Variants in COL4A2 observed in about 807,000 individuals in gnomAD.
COL4A2 encodes the protein collagen alpha-2(IV) chain.
COL4A2 carries 99 observed loss-of-function variants against 200.2 expected under a neutral mutation model. That is an observed-to-expected ratio of 0.49 (90% CI 0.42 to 0.58). The LOEUF (loss-of-function observed/expected upper bound fraction) is 0.58. COL4A2 is among the 20% of genes least tolerant of loss of function. COL4A2 has a pLI of 0.00. For missense variants in COL4A2, 1,950 were observed against 2,314.1 expected, an observed-to-expected ratio of 0.84 and a Z score of 3.23; for synonymous variants, 897 against 900.6, an observed-to-expected ratio of 1.00 and a Z score of 0.07.
At chr13:110,493,439 G>A (rs115717618) in intron 39 of COL4A2, among the ~76,000 whole-genome samples, 157 bp downstream of exon 39, 43 of 152,298 alleles carry the variant, frequency 2.8e-4, no homozygotes, top group African/African-American at 9.6e-4. Context: ...GGGCGGGTCC[G>A]GGCCCTGTGG....
At chr13:110,393,583 G>GAAA (rs111823390) in intron 4 of COL4A2, among the ~76,000 whole-genome samples, 2 of 150,520 alleles carry the variant, frequency 1.3e-5, no homozygotes, top group African/African-American at 4.9e-5. Context: ...CTATAAAGAG[G>GAAA]GAAAAAAAAA....
intron 11 of COL4A2, among the ~76,000 whole-genome samples, chr13:110,433,885 A>G (rs1319767800): frequency 2.0e-5 from 3 of 152,236 alleles, no homozygotes; most frequent in Non-Finnish European, 2.9e-5. Context: ...AAGGAAGACA[A>G]AAAGTTTGGA....
intron 24 of COL4A2, among the ~76,000 whole-genome samples, chr13:110,462,612 C>G (rs1882073019): frequency 6.6e-6 from 1 of 152,206 alleles, no homozygotes; most frequent in African/African-American, 2.4e-5. Context: ...AGTCAACAAT[C>G]AAAGAAATAT....
intron 4 of COL4A2, among the ~76,000 whole-genome samples, chr13:110,385,602 T>C (rs1414205408): frequency 4.5e-4 from 56 of 125,546 alleles, no homozygotes; most frequent in East Asian, 1.1e-3. Context: ...GGTTACAGTG[T>C]GTGGATAGGC....
intron 4 of COL4A2, among the ~76,000 whole-genome samples, chr13:110,413,554 G>C (rs1434030039): frequency 6.6e-6 from 1 of 152,214 alleles, no homozygotes; most frequent in Non-Finnish European, 1.5e-5. Context: ...ATGGCCCTGA[G>C]GTTCCAGAGA....
chr13:110,504,104 G>A (rs775369291), intron 44 of COL4A2, 44 bp from the exon 45 acceptor site: 19 of 1,600,784 alleles, frequency 1.2e-5, no homozygotes, highest in Admixed American at 1.7e-5. Flanking sequence ...GCCGTGCCAG[G>A]CGTGGTCAGT....
chr13:110,336,008 C>T (rs976361000), intron 3 of COL4A2, among the ~76,000 whole-genome samples: 7 of 152,298 alleles, frequency 4.6e-5, no homozygotes, highest in Admixed American at 3.3e-4. Context: ...CTGTGGATGG[C>T]CACTTCATTA....
rs149741886 is a variant in COL4A2 at position 110,383,832 on chromosome 13, G to A, written c.180+26280G>A. Among the ~76,000 whole-genome samples the A allele has an allele frequency of 8.2e-4, 125 of 152,082 alleles. 1 individual carries two copies. The highest frequency in any genetic ancestry group is 2.9e-3 in the African/African-American group (120 of 41,496). Reference sequence around the variant, plus strand: ...TCAGCCTGTTGGCTAGGCTGGTCTCGAACGCCTGGTCTCAAGCTATCTGAC... The same window carrying A: ...TCAGCCTGTTGGCTAGGCTGGTCTCAAACGCCTGGTCTCAAGCTATCTGAC... On this transcript the variant is annotated intron_variant, in intron 4 of 47. Coordinates refer to ENST00000360467, the MANE Select transcript of COL4A2 (RefSeq NM_001846.4).
At chr13:110,360,743 G>T (rs1251715904) in intron 4 of COL4A2, among the ~76,000 whole-genome samples, 1 of 152,210 alleles carries the variant, frequency 6.6e-6, no homozygotes, top group Non-Finnish European at 1.5e-5. Flanking sequence ...GCTGTGATTG[G>T]CAGCTGTCTG....
At chr13:110,457,521 T>A in intron 21 of COL4A2, 86 bp downstream of exon 21, 1 of 808,684 alleles carries the variant, frequency 1.2e-6, no homozygotes, top group Non-Finnish European at 2.2e-6. Context: ...CATCCCCCAC[T>A]CACGTGTTTG....
At chr13:110,446,697 C>T (rs1881338098) in intron 17 of COL4A2, 101 bp from the exon 18 acceptor site, 2 of 963,514 alleles carry the variant, frequency 2.1e-6, no homozygotes, top group African/African-American at 1.6e-5. Context: ...GCTCTGCCAG[C>T]CTGACGGTCC....
chr13:110,397,302 C>T (rs1028281368), intron 4 of COL4A2, among the ~76,000 whole-genome samples: 6 of 152,142 alleles, frequency 3.9e-5, no homozygotes, highest in African/African-American at 7.2e-5. Context: ...TGGGCAGCCC[C>T]GGAACCGAAG....
intron 3 of COL4A2, among the ~76,000 whole-genome samples, chr13:110,325,008 G>A (rs1401788280): frequency 2.6e-5 from 4 of 152,168 alleles, no homozygotes; most frequent in East Asian, 1.9e-4. Flanking sequence ...CTGAGAGCAC[G>A]TTCGACCCTT....
chr13:110,491,557 G>T (rs896076724), intron 37 of COL4A2, among the ~76,000 whole-genome samples: 4 of 152,200 alleles, frequency 2.6e-5, no homozygotes, highest in Non-Finnish European at 5.9e-5. Flanking sequence ...AGAAGCATGG[G>T]GGTGAATGAG....
chr13:110,472,535 C>T (rs1882519808), intron 28 of COL4A2, among the ~76,000 whole-genome samples: 1 of 152,092 alleles, frequency 6.6e-6, no homozygotes, highest in African/African-American at 2.4e-5. Context: ...TTCCTGCCTC[C>T]CTGGGATTTT....
intron 6 of COL4A2, among the ~76,000 whole-genome samples, chr13:110,427,871 G>A (rs1880527417): frequency 6.6e-6 from 1 of 152,136 alleles, no homozygotes; most frequent in Non-Finnish European, 1.5e-5. Context: ...CAAACAAGAG[G>A]CAATCAGCTC....
intron 4 of COL4A2, among the ~76,000 whole-genome samples, chr13:110,371,009 G>T (rs1877981989): frequency 6.6e-6 from 1 of 152,172 alleles, no homozygotes; most frequent in African/African-American, 2.4e-5. Flanking sequence ...AGATTAAAAA[G>T]ACTTCTTTAG....
chr13:110,490,776 G>C (rs1883260433), intron 36 of COL4A2, among the ~76,000 whole-genome samples: 1 of 152,214 alleles, frequency 6.6e-6, no homozygotes, highest in African/African-American at 2.4e-5. Flanking sequence ...GCCTTCACTT[G>C]TTCAACTGAA....
chr13:110,343,731 C>A (rs570175405), intron 3 of COL4A2, among the ~76,000 whole-genome samples: 3 of 152,342 alleles, frequency 2.0e-5, no homozygotes, highest in East Asian at 3.9e-4. Context: ...CTAGACCAGT[C>A]TTCACCAACC....
Sources: gnomAD v4.1 joint callset for allele counts (sites outside exome capture counted in the v4.1 genomes callset) on GRCh38, gnomAD v4.1.1 for gene constraint, MANE v1.5 for transcripts, NCBI Gene and HGNC (gene_info 2026-07-23, HGNC 2026-07-21) for gene names.